The following ATP9A variants were observed in gnomAD, a reference collection of about 807,000 sequenced individuals.
The protein encoded by ATP9A is probable phospholipid-transporting ATPase IIA.
A neutral mutation model predicts 144.1 loss-of-function variants in ATP9A; 52 were observed. The observed-to-expected ratio is 0.36, with a 90% confidence interval of 0.29 to 0.45. The LOEUF is 0.45. Ranked by LOEUF, ATP9A falls within the 20% of genes least tolerant of loss-of-function variation. The pLI is 1.00. For missense variants in ATP9A, 947 were observed against 1,392.7 expected, an observed-to-expected ratio of 0.68 and a Z score of 5.09; for synonymous variants, 582 against 557.4, an observed-to-expected ratio of 1.04 and a Z score of -0.62.
At chr20:51,749,329 C>T (rs960446116) in intron 1 of ATP9A, among the ~76,000 whole-genome samples, 11 of 151,996 alleles carry the variant, frequency 7.2e-5, no homozygotes, top group African/African-American at 2.7e-4. Flanking sequence ...GTGGTGCGAT[C>T]TCGGCTCACT....
At chr20:51,651,289 TATATA>T (rs950573002) in intron 14 of ATP9A, among the ~76,000 whole-genome samples, 1 of 133,676 alleles carries the variant, frequency 7.5e-6, no homozygotes, top group Non-Finnish European at 1.6e-5. Context: ...CATAATATAT[TATATA>T]ATATATATTT....
intron 15 of ATP9A, among the ~76,000 whole-genome samples, chr20:51,636,105 A>G (rs1030261911): frequency 1.3e-5 from 2 of 152,210 alleles, no homozygotes; most frequent in Non-Finnish European, 2.9e-5. Flanking sequence ...ATAACTTATA[A>G]CAAAATAGAA....
At chr20:51,620,520 A>G (rs1370816185) in intron 19 of ATP9A, among the ~76,000 whole-genome samples, 1 of 152,132 alleles carries the variant, frequency 6.6e-6, no homozygotes, top group East Asian at 1.9e-4. Context: ...ATTCATTAAC[A>G]TTGAGCTCAC....
At position 51,676,445 on chromosome 20, in the gene ATP9A, T is replaced by C. The variant is rs1397398564; in HGVS notation, c.800-237A>G. ...GCCTTAGCCTCCTCAATAACTGGGA[T>C]TATAGGCGTGCACCACCATGCCTGG... is the stretch of plus-strand genomic sequence containing the variant. On this transcript the variant is annotated intron_variant, in intron 9 of 27. Transcript: ENST00000338821. Among the ~76,000 whole-genome samples, 5 of 151,962 alleles carry C rather than the reference T, an allele frequency of 3.3e-5. No homozygotes were observed. The East Asian group carries it at 7.7e-4, about 23-fold the overall frequency.
At chr20:51,673,754 C>T (rs1428634213) in intron 11 of ATP9A, among the ~76,000 whole-genome samples, 1 of 152,104 alleles carries the variant, frequency 6.6e-6, no homozygotes, top group African/African-American at 2.4e-5. Context: ...AAGAGATCTG[C>T]TCCTTCTAAA....
intron 19 of ATP9A, among the ~76,000 whole-genome samples, chr20:51,621,596 A>G (rs535173717): frequency 1.2e-3 from 186 of 152,276 alleles, no homozygotes; most frequent in Non-Finnish European, 2.2e-3. Context: ...TTGCCCATCC[A>G]GTTCACCTCC....
At chr20:51,713,760 C>T (rs537434914) in intron 3 of ATP9A, among the ~76,000 whole-genome samples, 1 of 152,268 alleles carries the variant, frequency 6.6e-6, no homozygotes, top group South Asian at 2.1e-4. Flanking sequence ...CACTGCAACC[C>T]CATTCATATA....
At chr20:51,626,295 C>A (rs2077248171) in intron 17 of ATP9A, among the ~76,000 whole-genome samples, 1 of 152,146 alleles carries the variant, frequency 6.6e-6, no homozygotes, top group Non-Finnish European at 1.5e-5. Context: ...TTGAGACCAG[C>A]CTGGCCAACA....
intron 1 of ATP9A, among the ~76,000 whole-genome samples, chr20:51,764,193 T>C (rs2077894234): frequency 6.6e-6 from 1 of 152,200 alleles, no homozygotes. Flanking sequence ...GGTAAAGTTA[T>C]TTTCCCAAGA....
At chr20:51,617,951 G>A (rs1316906712) in intron 21 of ATP9A, among the ~76,000 whole-genome samples, 1 of 152,202 alleles carries the variant, frequency 6.6e-6, no homozygotes, top group African/African-American at 2.4e-5. Flanking sequence ...GCTGAGCAGT[G>A]GCTCACGACT....
intron 1 of ATP9A, among the ~76,000 whole-genome samples, chr20:51,752,577 T>C (rs2077837148): frequency 6.6e-6 from 1 of 151,964 alleles, no homozygotes; most frequent in African/African-American, 2.4e-5. Flanking sequence ...TGTAGAGATC[T>C]GGATGCCCTT....
chr20:51,617,989 G>A (rs1369929889), intron 21 of ATP9A, among the ~76,000 whole-genome samples: 2 of 152,158 alleles, frequency 1.3e-5, no homozygotes, highest in Admixed American at 6.5e-5. Context: ...GGAGGCTGAG[G>A]CAGGCAGATC....
In ATP9A at chr20:51,616,000, ACC is replaced by A. The variant is rs1455447925; in HGVS notation, c.2415+1488_2415+1489del. Among the ~76,000 whole-genome samples, 2 of 152,176 alleles carry A rather than the reference ACC, an allele frequency of 1.3e-5. 1 individual carries two copies. Among genetic ancestry groups the A allele is most frequent in the Non-Finnish European group, 2.9e-5 (2 of 68,038 alleles). On this transcript the variant is annotated intron_variant, in intron 22 of 27. Coordinates refer to ENST00000338821, the MANE Select transcript of ATP9A (RefSeq NM_006045.3). ...TCCCAAGAAACAAAGGAACCAGAAT[ACC>A]ATTTTTAATAGAAGGGAAAATGCTT...
rs1177085343 is a variant in ATP9A, at chr20:51,597,361, C to CA, written c.*3849dup. 1 of 151,722 alleles carries CA rather than the reference C, an allele frequency of 6.6e-6. No individual in the cohort carries two copies. The highest frequency in any genetic ancestry group is 1.5e-5 in the Non-Finnish European group (1 of 67,956). The allele number at this position is 151,722 out of a possible 1,614,324, so 9.4% of individuals were successfully genotyped here. ...GAATATTTTAAGTATATATAAGTGGCAAAAAAGCTGTACATTAAAAGAAGG... is the reference window on the plus strand; with the variant it reads ...GAATATTTTAAGTATATATAAGTGGCAAAAAAAGCTGTACATTAAAAGAAGG... On this transcript the variant is annotated 3_prime_UTR_variant, in exon 28 of 28. Transcript: ENST00000338821.
chr20:51,663,795 G>GAAA (rs56793951), intron 13 of ATP9A, among the ~76,000 whole-genome samples: 1,630 of 114,764 alleles, frequency 0.014, 49 homozygotes, highest in East Asian at 0.044. Context: ...CTCCGTCTCA[G>GAAA]AAAAAAAAAA....
chr20:51,728,839 T>C (rs2077727112), intron 2 of ATP9A, among the ~76,000 whole-genome samples: 1 of 151,820 alleles, frequency 6.6e-6, no homozygotes, highest in South Asian at 2.1e-4. Context: ...TCACTCAATA[T>C]CTAACACTAC....
At position 51,638,538 on chromosome 20, in the gene ATP9A, C is replaced by T. The variant is rs73910794; in HGVS notation, c.1668+805G>A. On this transcript the variant is annotated intron_variant, in intron 15 of 27. Transcript: ENST00000338821. ...AACACCAGATTTTCCAGCCTCCCCACGACGGAAAGTGTGATCTCCGTGGGT... is the reference window on the plus strand; with the variant it reads ...AACACCAGATTTTCCAGCCTCCCCATGACGGAAAGTGTGATCTCCGTGGGT... 3.0e-3 allele frequency among the ~76,000 whole-genome samples: 462 copies of T among 152,058 alleles called. 3 individuals are homozygous for T. The highest frequency in any genetic ancestry group is 6.2e-3 in the Admixed American group (95 of 15,276).
intron 1 of ATP9A, among the ~76,000 whole-genome samples, chr20:51,742,324 CAAAA>C (rs74175576): frequency 1.7e-5 from 2 of 118,156 alleles, no homozygotes; most frequent in Non-Finnish European, 1.8e-5. Flanking sequence ...AACACTGTCT[CAAAA>C]AAAAAAAAAA....
chr20:51,669,164 C>CA (rs1243124097), intron 13 of ATP9A, among the ~76,000 whole-genome samples: 1 of 152,104 alleles, frequency 6.6e-6, no homozygotes, highest in Admixed American at 6.6e-5. Flanking sequence ...CTTTTAAAAC[C>CA]CAAAGCCACG....
Sources: allele counts gnomAD v4.1 joint callset (sites outside exome capture counted in the v4.1 genomes callset), GRCh38; gene constraint gnomAD v4.1.1; transcripts MANE v1.5; gene names NCBI Gene and HGNC (gene_info 2026-07-23, HGNC 2026-07-21).